AKAP7: variants seen among roughly 807,000 people sequenced by gnomAD.
The protein encoded by AKAP7 is A-kinase anchoring protein 7.
Under a neutral mutation model 39.5 loss-of-function variants are expected in AKAP7, and 39 were observed. The ratio of observed to expected loss-of-function variants is 0.99; its 90% confidence interval spans 0.76 to 1.29. AKAP7 has a LOEUF of 1.29. AKAP7 is among the 50% of genes most tolerant of loss of function. AKAP7 has a pLI of 0.00. For missense variants in AKAP7, 414 were observed against 407.7 expected (o/e 1.02, Z -0.13); for synonymous variants, 140 against 139.1 (o/e 1.01, Z -0.05).
intron 5 of AKAP7, among the ~76,000 whole-genome samples, chr6:131,169,483 A>T (rs1408603528): frequency 6.6e-6 from 1 of 152,218 alleles, no homozygotes; most frequent in Non-Finnish European, 1.5e-5. Context: ...TACTGAATCA[A>T]TGAATAGGAG....
chr6:131,157,044 G>A (rs968440369), intron 2 of AKAP7, among the ~76,000 whole-genome samples: 1 of 151,928 alleles, frequency 6.6e-6, no homozygotes, highest in African/African-American at 2.4e-5. Context: ...CAAAGTGCTG[G>A]GATTACAGGC....
chr6:131,261,939 A>T (rs964078576), intron 7 of AKAP7, among the ~76,000 whole-genome samples: 8 of 152,214 alleles, frequency 5.3e-5, no homozygotes, highest in African/African-American at 1.7e-4. Flanking sequence ...GAGGGAAAAG[A>T]TAGTAACTTT....
At chr6:131,264,622 T>C (rs927431186) in intron 7 of AKAP7, among the ~76,000 whole-genome samples, 1 of 152,242 alleles carries the variant, frequency 6.6e-6, no homozygotes, top group Admixed American at 6.5e-5. Flanking sequence ...TCACAGTGTC[T>C]CTTTCATTTA....
chr6:131,140,483 T>A (rs926021470), intron 1 of AKAP7, among the ~76,000 whole-genome samples: 2 of 152,230 alleles, frequency 1.3e-5, no homozygotes, highest in Admixed American at 6.5e-5. Context: ...CATCATTGTA[T>A]TCTTTCTTTT....
intron 1 of AKAP7, among the ~76,000 whole-genome samples, chr6:131,141,973 G>T (rs1380428868): frequency 1.4e-5 from 2 of 140,738 alleles, no homozygotes; most frequent in African/African-American, 5.3e-5. Context: ...AGAAATTTTT[G>T]AGCAGCAAAG....
intron 1 of AKAP7, among the ~76,000 whole-genome samples, 162 bp downstream of exon 1, chr6:131,135,944 G>A (rs892340543): frequency 2.0e-5 from 3 of 152,184 alleles, no homozygotes; most frequent in African/African-American, 7.2e-5. Context: ...GAAGCCCGGT[G>A]CAACCGGGGT....
At chr6:131,138,396 A>C (rs1800756920) in intron 1 of AKAP7, among the ~76,000 whole-genome samples, 3 of 152,162 alleles carry the variant, frequency 2.0e-5, no homozygotes, top group Admixed American at 6.5e-5. Context: ...ATTGCTTCCA[A>C]ATCTTGGCTA....
At chr6:131,168,511 T>C (rs1305171464) in intron 4 of AKAP7, among the ~76,000 whole-genome samples, 2 of 152,108 alleles carry the variant, frequency 1.3e-5, no homozygotes, top group Non-Finnish European at 2.9e-5. Context: ...TTCTAACACA[T>C]AGCAGGCGTA....
intron 7 of AKAP7, among the ~76,000 whole-genome samples, chr6:131,241,607 GTGTGTGTGTGTGTGTGTGTGTA>G (rs1304464188): frequency 1.6e-4 from 21 of 130,020 alleles, no homozygotes; most frequent in South Asian, 2.5e-4. Flanking sequence ...GTGTGTGTGT[GTGTGTGTGTGTGTGTGTGTGTA>G]TATATATATG....
chr6:131,172,659 G>A (rs1283791307), intron 5 of AKAP7, among the ~76,000 whole-genome samples: 2 of 152,070 alleles, frequency 1.3e-5, no homozygotes, highest in East Asian at 1.9e-4. Flanking sequence ...TTGCAAGAGC[G>A]TCTATTCCTC....
intron 2 of AKAP7, among the ~76,000 whole-genome samples, chr6:131,158,500 A>ATTTTG (rs1488739526): frequency 3.3e-5 from 5 of 151,912 alleles, no homozygotes; most frequent in African/African-American, 7.3e-5. Flanking sequence ...GAGGTACTCT[A>ATTTTG]TTTTGTTTTG....
chr6:131,218,235 C>G (rs1162068074), intron 6 of AKAP7, among the ~76,000 whole-genome samples: 1 of 151,890 alleles, frequency 6.6e-6, no homozygotes, highest in African/African-American at 2.4e-5. Context: ...CCTAAATGTC[C>G]AACAGTAAAT....
At chr6:131,279,315 C>T (rs1354582974) in intron 7 of AKAP7, among the ~76,000 whole-genome samples, 2 of 152,148 alleles carry the variant, frequency 1.3e-5, no homozygotes, top group Admixed American at 1.3e-4. Flanking sequence ...TGTCACCAGG[C>T]CGGAGTGCAG....
intron 7 of AKAP7, among the ~76,000 whole-genome samples, chr6:131,272,884 T>G (rs758263376): frequency 3.3e-5 from 5 of 152,228 alleles, no homozygotes; most frequent in Non-Finnish European, 7.3e-5. Context: ...GTAGTTTATG[T>G]CTTCTGTATT....
At chr6:131,135,848 C>A in intron 1 of AKAP7, 66 bp downstream of exon 1, 1 of 1,223,728 alleles carries the variant, frequency 8.2e-7, no homozygotes, top group South Asian at 4.1e-5. Flanking sequence ...TGGGCCTGCT[C>A]TGCGCTCGAA....
intron 1 of AKAP7, among the ~76,000 whole-genome samples, chr6:131,143,915 G>GGCCTTCCA (rs1554379634): frequency 7.1e-6 from 1 of 140,054 alleles, no homozygotes; most frequent in Non-Finnish European, 1.5e-5. Flanking sequence ...GCGGCCTTCC[G>GGCCTTCCA]AAGTGTTTGT....
chr6:131,179,743 G>T (rs970882087), intron 5 of AKAP7, among the ~76,000 whole-genome samples: 1 of 152,080 alleles, frequency 6.6e-6, no homozygotes, highest in Admixed American at 6.5e-5. Flanking sequence ...GATGGTGCAT[G>T]CCTTGATTCC....
At chr6:131,226,338 C>T (rs1015749652) in intron 7 of AKAP7, among the ~76,000 whole-genome samples, 1 of 152,154 alleles carries the variant, frequency 6.6e-6, no homozygotes, top group Non-Finnish European at 1.5e-5. Flanking sequence ...TGGCAACATT[C>T]CTATTTTCAG....
intron 7 of AKAP7, among the ~76,000 whole-genome samples, chr6:131,267,944 A>G (rs888600594): frequency 1.2e-4 from 19 of 152,158 alleles, no homozygotes; most frequent in African/African-American, 3.4e-4. Flanking sequence ...TTATAGCACA[A>G]TGCTTATCAC....
Sources: gnomAD v4.1 joint callset for allele counts (sites outside exome capture counted in the v4.1 genomes callset) on GRCh38, gnomAD v4.1.1 for gene constraint, MANE v1.5 for transcripts, NCBI Gene and HGNC (gene_info 2026-07-23, HGNC 2026-07-21) for gene names.